FBXW11: variants seen among roughly 807,000 people sequenced by gnomAD.
The protein encoded by FBXW11 is F-box/WD repeat-containing protein 11.
In FBXW11, 19 loss-of-function variants were observed where a neutral mutation model predicts 77.6. The ratio of observed to expected loss-of-function variants is 0.24; its 90% CI spans 0.17 to 0.36. The LOEUF (loss-of-function observed/expected upper bound fraction) is 0.36, where lower values mean the gene tolerates loss of function less well. Ranked by LOEUF, FBXW11 falls within the 10% of genes least tolerant of loss-of-function variation. The pLI is 1.00. For synonymous variants in FBXW11, 235 were observed against 249.4 expected (o/e 0.94, Z 0.54); for missense variants, 334 against 704.2 (o/e 0.47, Z 5.95).
chr5:171,936,335 T>C (rs538232294), intron 2 of FBXW11, among the ~76,000 whole-genome samples: 2 of 150,414 alleles, frequency 1.3e-5, no homozygotes, highest in South Asian at 4.2e-4. Flanking sequence ...TTAAAAAAAT[T>C]TAAAAATTAG....
intron 2 of FBXW11, among the ~76,000 whole-genome samples, chr5:171,946,355 G>A (rs1763007921): frequency 6.6e-6 from 1 of 152,266 alleles, no homozygotes; most frequent in South Asian, 2.1e-4. Flanking sequence ...CTACACAGCA[G>A]GTAGAGGGAT....
Sources: gnomAD v4.1 joint callset for allele counts (sites outside exome capture counted in the v4.1 genomes callset) on GRCh38, gnomAD v4.1.1 for gene constraint, MANE v1.5 for transcripts, NCBI Gene and HGNC (gene_info 2026-07-23, HGNC 2026-07-21) for gene names.